SYT14: variants seen among roughly 807,000 people sequenced by gnomAD.
SYT14 encodes synaptotagmin 14.
In SYT14, 32 loss-of-function variants were observed where a neutral mutation model predicts 74.2. That is an observed-to-expected ratio of 0.43 (90% confidence interval 0.33 to 0.58). The LOEUF (loss-of-function observed/expected upper bound fraction) is 0.58, where lower values mean the gene tolerates loss of function less well. Ranked by LOEUF, SYT14 falls within the 20% of genes least tolerant of loss-of-function variation. The pLI, the probability that SYT14 is intolerant of heterozygous loss-of-function variation, is 0.05. For missense variants in SYT14, 791 were observed against 981.8 expected (o/e 0.81, Z 2.60); for synonymous variants, 298 against 337.7 (o/e 0.88, Z 1.29).
exon 5 of SYT14, chr1:210,021,164 C>A (rs371533224): frequency 1.1e-5 from 17 of 1,613,838 alleles, no homozygotes; most frequent in Non-Finnish European, 1.4e-5. Context: ...AGATTCTAGA[C>A]AAAGGAACTA....
chr1:210,139,852 A>T (rs534218785), intron 7 of SYT14, among the ~76,000 whole-genome samples: 7 of 152,266 alleles, frequency 4.6e-5, no homozygotes, highest in African/African-American at 1.7e-4. Flanking sequence ...CTTTGTATGG[A>T]TATACCACAT....
intron 5 of SYT14, among the ~76,000 whole-genome samples, chr1:210,088,088 C>T (rs1204280389): frequency 6.6e-6 from 1 of 151,162 alleles, no homozygotes; most frequent in Non-Finnish European, 1.5e-5. Flanking sequence ...TATTTTGATG[C>T]TTTCTGTTAT....
At chr1:209,945,276 A>G (rs1349288151) in intron 1 of SYT14, among the ~76,000 whole-genome samples, 1 of 152,204 alleles carries the variant, frequency 6.6e-6, no homozygotes, top group Non-Finnish European at 1.5e-5. Context: ...CAGGTTTGCA[A>G]AGACAGTACT....
At chr1:210,052,999 C>T (rs1189870707) in intron 5 of SYT14, among the ~76,000 whole-genome samples, 1 of 152,000 alleles carries the variant, frequency 6.6e-6, no homozygotes, top group Non-Finnish European at 1.5e-5. Context: ...TATACAATAT[C>T]CTACATGACT....
chr1:210,076,080 A>C (rs1033749682), intron 5 of SYT14, among the ~76,000 whole-genome samples: 10 of 152,108 alleles, frequency 6.6e-5, no homozygotes, highest in Non-Finnish European at 1.2e-4. Context: ...TTATCCATTG[A>C]GATATTACTC....
chr1:210,072,518 G>A (rs1490325158), intron 5 of SYT14, among the ~76,000 whole-genome samples: 2 of 151,940 alleles, frequency 1.3e-5, no homozygotes, highest in Admixed American at 1.3e-4. Context: ...ACTAAAGTAA[G>A]GGAGATGTAC....
chr1:210,016,900 T>G, exon 4 of SYT14: 2 of 1,231,722 alleles, frequency 1.6e-6, no homozygotes, highest in Non-Finnish European at 2.0e-6. Context: ...AGAAATCTAT[T>G]ATAAAAGAAG....
chr1:210,136,272 G>A (rs1045886923), intron 7 of SYT14, among the ~76,000 whole-genome samples: 3 of 152,130 alleles, frequency 2.0e-5, no homozygotes, highest in Admixed American at 2.0e-4. Context: ...GTGTGTATGC[G>A]TGCATGTGTA....
chr1:210,062,184 G>A (rs2102414210), intron 5 of SYT14, among the ~76,000 whole-genome samples: 1 of 151,856 alleles, frequency 6.6e-6, no homozygotes, highest in South Asian at 2.1e-4. Context: ...CCTGCTGGAT[G>A]GATAATGTAA....
intron 7 of SYT14, among the ~76,000 whole-genome samples, chr1:210,129,063 T>C (rs535111162): frequency 6.6e-6 from 1 of 152,310 alleles, no homozygotes; most frequent in South Asian, 2.1e-4. Flanking sequence ...AATGAAATTA[T>C]AGTAAAAATA....
At chr1:210,018,631 A>T (rs2080237201) in intron 4 of SYT14, among the ~76,000 whole-genome samples, 1 of 152,242 alleles carries the variant, frequency 6.6e-6, no homozygotes, top group South Asian at 2.1e-4. Context: ...TTAACTTTTT[A>T]AATTTGTTTT....
At chr1:209,989,421 AAAC>A (rs2079626837) in intron 2 of SYT14, among the ~76,000 whole-genome samples, 1 of 152,268 alleles carries the variant, frequency 6.6e-6, no homozygotes, top group East Asian at 1.9e-4. Flanking sequence ...TAAAAAGTAA[AAAC>A]AAAATTTATT....
chr1:210,038,080 T>A (rs1289835855), intron 5 of SYT14, among the ~76,000 whole-genome samples: 1 of 152,134 alleles, frequency 6.6e-6, no homozygotes, highest in Non-Finnish European at 1.5e-5. Flanking sequence ...CTGTCTCAGA[T>A]CTAGTTATGT....
At chr1:210,015,516 A>G (rs976953031) in intron 3 of SYT14, among the ~76,000 whole-genome samples, 7 of 152,176 alleles carry the variant, frequency 4.6e-5, no homozygotes, top group Non-Finnish European at 1.0e-4. Flanking sequence ...CCTCTCCCCT[A>G]TTCTTACCAC....
intron 7 of SYT14, among the ~76,000 whole-genome samples, chr1:210,114,015 T>G (rs1373873937): frequency 6.6e-6 from 1 of 151,310 alleles, no homozygotes; most frequent in Admixed American, 6.6e-5. Context: ...CTGTAAGAGT[T>G]ACTGAAAGAG....
chr1:209,966,721 A>G (rs2079163803), intron 2 of SYT14, among the ~76,000 whole-genome samples: 1 of 152,162 alleles, frequency 6.6e-6, no homozygotes, highest in Non-Finnish European at 1.5e-5. Flanking sequence ...CTAGTAGCTT[A>G]TTTTGTAGAT....
In SYT14 at chr1:210,016,379, C is replaced by G. The variant is rs889264747; in HGVS notation, c.376C>G (p.Gln126Glu). The change falls in exon 4 of 10, where the codon CAA becomes GAA. Residue 126 changes from glutamine (Q) to glutamate (E), a missense_variant. Transcript: ENST00000637265. Reference sequence around the variant, plus strand: ...AGTATTTAAACATGTTAATGATAGGCAACAAACTCTATCAGAATATCAAGA... The same window carrying G: ...AGTATTTAAACATGTTAATGATAGGGAACAAACTCTATCAGAATATCAAGA... The G allele has an allele frequency of 2.4e-6, 3 of 1,231,836 alleles. No homozygotes were observed. The African/African-American group carries it at 4.7e-5, about 19-fold the overall frequency. 76.3% of individuals were successfully genotyped at this position (1,231,836 alleles called of 1,614,324 possible).
At chr1:210,168,653 T>C (rs1410626080) in exon 10 of SYT14, 2 of 152,194 alleles carry the variant, frequency 1.3e-5, no homozygotes, top group East Asian at 3.8e-4. Context: ...TTTCCTTATC[T>C]CTGAGACTTA....
intron 7 of SYT14, among the ~76,000 whole-genome samples, chr1:210,103,263 C>T (rs542517560): frequency 6.6e-6 from 1 of 152,032 alleles, no homozygotes; most frequent in African/African-American, 2.4e-5. Flanking sequence ...TAAAGTTTAA[C>T]ATTAAGGCCG....
Sources: gnomAD v4.1 joint callset for allele counts (sites outside exome capture counted in the v4.1 genomes callset) on GRCh38, gnomAD v4.1.1 for gene constraint, MANE v1.5 for transcripts, NCBI Gene and HGNC (gene_info 2026-07-23, HGNC 2026-07-21) for gene names.